USP42: variants seen among roughly 807,000 people sequenced by gnomAD.
USP42 encodes ubiquitin carboxyl-terminal hydrolase 42.
In USP42, 23 loss-of-function variants were observed where a neutral mutation model predicts 113.0. The ratio of observed to expected loss-of-function variants is 0.20; its 90% CI spans 0.15 to 0.29. USP42 has a LOEUF of 0.29. USP42 is among the 10% of genes least tolerant of loss of function. The pLI, the probability that USP42 is intolerant of heterozygous loss-of-function variation, is 1.00. For missense variants in USP42, 2,174 were observed against 1,779.8 expected (o/e 1.22, Z -3.99); for synonymous variants, 933 against 699.0 (o/e 1.33, Z -5.28).
At chr7:6,150,929 A>C (rs78817497) in intron 14 of USP42, among the ~76,000 whole-genome samples, 179 of 152,302 alleles carry the variant, frequency 1.2e-3, no homozygotes, top group African/African-American at 4.1e-3. Flanking sequence ...CTTCTGAGAA[A>C]TGCATCGTTT....
intron 9 of USP42, among the ~76,000 whole-genome samples, chr7:6,144,826 T>C (rs566435442): frequency 3.4e-4 from 51 of 151,586 alleles, no homozygotes; most frequent in African/African-American, 1.1e-3. Context: ...GCCGAGATTG[T>C]GCCACTGCAC....
intron 7 of USP42, among the ~76,000 whole-genome samples, chr7:6,141,663 T>A (rs1469839508): frequency 6.6e-6 from 1 of 151,684 alleles, no homozygotes; most frequent in African/African-American, 2.4e-5. Flanking sequence ...GGTTCAAGCA[T>A]TTCCCCTGTC....
chr7:6,098,124 T>C, the USP42 span, among the ~76,000 whole-genome samples: 1 of 142,450 alleles, frequency 7.0e-6, no homozygotes, highest in Non-Finnish European at 1.5e-5. Context: ...AGGATGGTCT[T>C]GATCTTCTGA....
chr7:6,143,700 TATA>T (rs1446477740), intron 8 of USP42, among the ~76,000 whole-genome samples: 5 of 152,068 alleles, frequency 3.3e-5, no homozygotes, highest in Non-Finnish European at 7.4e-5. Flanking sequence ...TCTCTTTTCA[TATA>T]ATAATTATTA....
chr7:6,149,745 C>G lies in USP42; in HGVS notation c.1549C>G (p.Pro517Ala). ...TAGGTCCTCAGTGATCCCAGAACAT[C>G]CTAAGAAACAAAAAATTACAATCAG... ...VNRSSVIPEHPKKQKITISIH... is the reference protein window; with the variant it reads ...VNRSSVIPEHAKKQKITISIH... Residue 517 changes from proline to alanine, a missense_variant, in exon 13 of 18, where the codon CCT (proline) becomes GCT (alanine). Coordinates refer to ENST00000306177, the MANE Select transcript of USP42 (RefSeq NM_032172.3). 2 of 1,613,944 alleles carry G rather than the reference C, an allele frequency of 1.2e-6. No homozygotes were observed. Among genetic ancestry groups the G allele is most frequent in the Non-Finnish European group, 1.7e-6 (2 of 1,179,880 alleles).
chr7:6,146,402 A>G (rs1289907418), intron 11 of USP42, among the ~76,000 whole-genome samples, 154 bp downstream of exon 11: 3 of 151,984 alleles, frequency 2.0e-5, no homozygotes, highest in African/African-American at 4.8e-5. Flanking sequence ...CCTCACGCCT[A>G]TAATCCTAGC....
At position 6,156,870 on chromosome 7, in the gene USP42, A is replaced by G. The variant is rs1782480224; in HGVS notation, c.3758A>G (p.Asp1253Gly). 1 of 1,612,644 alleles carries G rather than the reference A, an allele frequency of 6.2e-7. No individual in the cohort carries two copies. Among genetic ancestry groups the G allele is most frequent in the Non-Finnish European group, 8.5e-7 (1 of 1,179,574 alleles). The change falls in exon 16 of 18, where the codon GAT becomes GGT. Residue 1253 changes from aspartate (D) to glycine (G), a missense_variant. By Grantham distance (94) the Asp-to-Gly change is moderately conservative (BLOSUM62 -1). Transcript: ENST00000306177. Reference sequence around the variant, plus strand: ...AGAAAATCAGAGGACTTTGTTAAAGATTCAGAACTGCACTTACCCAGGGTC... The same window carrying G: ...AGAAAATCAGAGGACTTTGTTAAAGGTTCAGAACTGCACTTACCCAGGGTC... ...HSRKSEDFVKDSELHLPRVTS... is the reference protein window; with the variant it reads ...HSRKSEDFVKGSELHLPRVTS...
In USP42 at chr7:6,147,721, C is replaced by T. The variant is rs1781794517; in HGVS notation, c.1233-18C>T. 1.3e-6 allele frequency: 2 copies of T among 1,561,444 alleles called. No homozygotes were observed. The highest frequency in any genetic ancestry group is 8.7e-7 in the Non-Finnish European group (1 of 1,146,282). On this transcript the variant is annotated intron_variant, in intron 11 of 17. Coordinates refer to ENST00000306177, the MANE Select transcript of USP42 (RefSeq NM_032172.3). ...AGGTGTCCTGTGTCACCCTAAGTAT[C>T]GCTCTCCTTGTTTCCAGGTCCCATG...
Position 6,115,313 on chromosome 7 carries a change from A to G in USP42, c.242-10A>G. 1.2e-6 allele frequency: 2 copies of G among 1,613,028 alleles called. No homozygotes were observed. The highest frequency in any genetic ancestry group is 1.3e-5 in the African/African-American group (1 of 74,928). The stretch of plus-strand genomic sequence containing the variant: ...CTTGGTTTCTGACTCTTTCTTGTTT[A>G]TTTTTCTAGCCCTAGGTGATGGCAT... On this transcript the variant is annotated splice_polypyrimidine_tract_variant and intron_variant, in intron 2 of 17. Transcript: ENST00000306177.
In USP42 at chr7:6,153,906, C is replaced by T. The variant is rs766451435; in HGVS notation, c.2352C>T (p.Pro784=). ...KAPPPRDPGT[P]ATKEGAWEAM... Reference sequence around the variant, plus strand: ...CGCCGCCCCGCGATCCCGGCACCCCCGCTACCAAAGAAGGCGCCTGGGAGG... The same window carrying T: ...CGCCGCCCCGCGATCCCGGCACCCCTGCTACCAAAGAAGGCGCCTGGGAGG... Residue 784 remains proline, a synonymous_variant, in exon 15 of 18, where the codon CCC becomes CCT. Coordinates refer to ENST00000306177, the MANE Select transcript of USP42 (RefSeq NM_032172.3). 21 of 1,594,592 alleles carry T rather than the reference C, an allele frequency of 1.3e-5. No individual in the cohort carries two copies. The African/African-American group carries it at 1.8e-4, about 13-fold the overall frequency.
rs1349059108 is a variant in USP42 at position 6,150,037 on chromosome 7, ACT to A, written c.1844_1845del (p.Ser615Ter). 1 of 1,611,392 alleles carries A rather than the reference ACT, an allele frequency of 6.2e-7. No individual in the cohort carries two copies. Among genetic ancestry groups the A allele is most frequent in the Non-Finnish European group, 8.5e-7 (1 of 1,178,682 alleles). On this transcript the variant is annotated frameshift_variant, in exon 13 of 18. Coordinates refer to ENST00000306177, the MANE Select transcript of USP42 (RefSeq NM_032172.3). LOFTEE classifies it high-confidence loss of function. The stretch of plus-strand genomic sequence containing the variant: ...CCCTATGGCGCCGAGTCCTCTGAGG[ACT>A]CTGACGAGGAGTCAAAGGGGCTGGG...
intron 7 of USP42, among the ~76,000 whole-genome samples, chr7:6,142,336 C>T (rs1050651336): frequency 1.3e-5 from 2 of 151,704 alleles, no homozygotes; most frequent in Admixed American, 6.6e-5. Context: ...TCTGCCTCAA[C>T]CTCCCAAGTA....
At chr7:6,115,657 A>G (rs1394309988) in intron 3 of USP42, 134 bp downstream of exon 3, 3 of 1,086,540 alleles carry the variant, frequency 2.8e-6, no homozygotes, top group Non-Finnish European at 2.6e-6. Flanking sequence ...TTTAGAAACC[A>G]AGGAGGAGGA....
intron 3 of USP42, among the ~76,000 whole-genome samples, chr7:6,120,543 T>G (rs1034029933): frequency 1.7e-4 from 26 of 150,558 alleles, no homozygotes; most frequent in African/African-American, 6.1e-4. Context: ...GTGCCCAGCC[T>G]CTTGCCTCAG....
In USP42 at chr7:6,139,260, G is replaced by T. The variant is rs1781320633; in HGVS notation, c.656+66G>T. Reference sequence around the variant, plus strand: ...CTCTGGTTGTAGTTTATTCTTATCAGAATTCATTTTCACCTTTTTTGTTGG... The same window carrying T: ...CTCTGGTTGTAGTTTATTCTTATCATAATTCATTTTCACCTTTTTTGTTGG... On this transcript the variant is annotated intron_variant, in intron 5 of 17. Coordinates refer to ENST00000306177, the MANE Select transcript of USP42 (RefSeq NM_032172.3). The surrounding 1 kb of genome is among the most constrained non-coding windows in gnomAD (Gnocchi z 4.5). 19 of 1,296,402 alleles carry T rather than the reference G, an allele frequency of 1.5e-5. No homozygotes were observed. Among genetic ancestry groups the T allele is most frequent in the Non-Finnish European group, 1.9e-5 (18 of 949,344 alleles). The allele number at this position is 1,296,402 out of a possible 1,614,324, so 80.3% of individuals were successfully genotyped here. A position where few individuals can be genotyped will look rare whatever the true frequency, so the allele number is the denominator to read the frequency against.
intron 3 of USP42, among the ~76,000 whole-genome samples, chr7:6,118,552 A>C (rs1780037526): frequency 6.6e-6 from 1 of 151,842 alleles, no homozygotes; most frequent in Non-Finnish European, 1.5e-5. Context: ...AAAAAAAAAA[A>C]CTTTGCCTAC....
At chr7:6,083,461 A>G in the USP42 span, among the ~76,000 whole-genome samples, 2 of 146,974 alleles carry the variant, frequency 1.4e-5, no homozygotes, top group Non-Finnish European at 3.0e-5. Flanking sequence ...TTGCCATGTC[A>G]ACCAGGCTGG....
chr7:6,139,029 G>T lies in USP42; in HGVS notation c.554-63G>T. 1 of 1,031,576 alleles carries T rather than the reference G, an allele frequency of 9.7e-7. No individual in the cohort carries two copies. 63.9% of individuals were successfully genotyped at this position (1,031,576 alleles called of 1,614,324 possible). On this transcript the variant is annotated intron_variant, in intron 4 of 17. Coordinates refer to ENST00000306177, the MANE Select transcript of USP42 (RefSeq NM_032172.3). This position sits in a 1 kb window ranked among gnomAD's most constrained non-coding sequence, Gnocchi z 4.5. ...ACATATTATTATAAGATATATTTTG[G>T]GGGGTACAACTTAGGCTTATTACGT...
chr7:6,120,058 G>A (rs1272895558), intron 3 of USP42, among the ~76,000 whole-genome samples: 1 of 152,008 alleles, frequency 6.6e-6, no homozygotes, highest in Non-Finnish European at 1.5e-5. Flanking sequence ...CTACGCCCCC[G>A]GGTTCACGCC....
Sources: gnomAD v4.1 joint callset for allele counts (sites outside exome capture counted in the v4.1 genomes callset) on GRCh38, gnomAD v4.1.1 for gene constraint, Gnocchi (gnomAD v3.1) non-coding constraint, MANE v1.5 for transcripts, NCBI Gene and HGNC (gene_info 2026-07-23, HGNC 2026-07-21) for gene names.